Variants in INPP4A observed in about 807,000 individuals in gnomAD.
INPP4A encodes inositol polyphosphate-4-phosphatase type I A, also known as inositol polyphosphate-4-phosphatase, type I, 107kD.
In INPP4A, 33 loss-of-function variants were observed where a neutral mutation model predicts 119.8. The ratio of observed to expected loss-of-function variants is 0.28; its 90% CI spans 0.21 to 0.37. The LOEUF (loss-of-function observed/expected upper bound fraction) is 0.37. INPP4A is among the 10% of genes least tolerant of loss of function. INPP4A has a pLI of 1.00. For missense variants in INPP4A, 956 were observed against 1,289.9 expected (o/e 0.74, Z 3.97); for synonymous variants, 496 against 500.7 (o/e 0.99, Z 0.12).
chr2:98,458,344 C>G (rs928328923), intron 1 of INPP4A, among the ~76,000 whole-genome samples: 2 of 151,166 alleles, frequency 1.3e-5, no homozygotes, highest in African/African-American at 4.9e-5. Flanking sequence ...GCCTCTGCCT[C>G]AGAAAAAAAA....
At chr2:98,467,979 T>C (rs1675146977) in intron 1 of INPP4A, among the ~76,000 whole-genome samples, 1 of 152,214 alleles carries the variant, frequency 6.6e-6, no homozygotes, top group Admixed American at 6.5e-5. Context: ...AATGGGCTTT[T>C]AGAGTACAGC....
At chr2:98,549,063 C>G (rs1693006191) in intron 13 of INPP4A, 1 of 1,136,096 alleles carries the variant, frequency 8.8e-7, no homozygotes, top group Admixed American at 2.2e-5. Context: ...CTGTGGGCTT[C>G]CCCTGCGGTG....
At chr2:98,491,889 CA>C (rs1217631696) in intron 1 of INPP4A, among the ~76,000 whole-genome samples, 2 of 142,178 alleles carry the variant, frequency 1.4e-5, no homozygotes, top group African/African-American at 5.2e-5. Context: ...TCATATGTCA[CA>C]AGTGCATTTT....
At chr2:98,583,196 T>C (rs532565705) in intron 24 of INPP4A, among the ~76,000 whole-genome samples, 2 of 150,418 alleles carry the variant, frequency 1.3e-5, no homozygotes, top group East Asian at 3.9e-4. Context: ...GTTATATACT[T>C]TTATTTATTT....
chr2:98,554,220 T>C lies in INPP4A; in HGVS notation c.1348-51T>C, dbSNP rs1575059634. The C allele has an allele frequency of 7.1e-7, 1 of 1,417,120 alleles. No individual in the cohort carries two copies. Among genetic ancestry groups the C allele is most frequent in the Non-Finnish European group, 9.7e-7 (1 of 1,032,792 alleles). The allele number at this position is 1,417,120 out of a possible 1,614,324, so 87.8% of individuals were successfully genotyped here. ...CCATTTCTGAGATAAGGCAGGGGCCTCCCCAGCCCCTGGCCTGGGCTCAGC... is the reference window on the plus strand; with the variant it reads ...CCATTTCTGAGATAAGGCAGGGGCCCCCCCAGCCCCTGGCCTGGGCTCAGC... On this transcript the variant is annotated intron_variant, in intron 14 of 24. Coordinates refer to ENST00000409851, the MANE Select transcript of INPP4A (RefSeq NM_001134225.2). The surrounding 1 kb of genome is among the most constrained non-coding windows in gnomAD (Gnocchi z 4.7).
Position 98,589,258 on chromosome 2 carries a change from G to T in INPP4A, c.*1650G>T, listed in dbSNP as rs1207635135. 1 of 183,838 alleles carries T rather than the reference G, an allele frequency of 5.4e-6. No individual in the cohort carries two copies. The highest frequency in any genetic ancestry group is 8.8e-5 in the East Asian group (1 of 11,312). The allele number at this position is 183,838 out of a possible 1,614,324, so 11.4% of individuals were successfully genotyped here. ...CAAACCCACTGCACAGGTGGCTGCT[G>T]CTGGTATCAGATTCTCCTTTTTAAG... On this transcript the variant is annotated 3_prime_UTR_variant, in exon 25 of 25. Coordinates refer to ENST00000409851, the MANE Select transcript of INPP4A (RefSeq NM_001134225.2).
chr2:98,539,739 G>C (rs928332446), intron 10 of INPP4A, 64 bp downstream of exon 10: 5 of 1,512,458 alleles, frequency 3.3e-6, no homozygotes, highest in Non-Finnish European at 3.6e-6. Context: ...TCCTTTCTGA[G>C]ATATAGCGGG....
rs145406691 is a variant in INPP4A at position 98,555,588 on chromosome 2, G to T, written c.1602G>T (p.Glu534Asp). The T allele has an allele frequency of 1.9e-6, 3 of 1,613,374 alleles. No homozygotes were observed. Among genetic ancestry groups the T allele is most frequent in the Non-Finnish European group, 2.5e-6 (3 of 1,179,370 alleles). The change falls in exon 16 of 25, where the codon GAG (glutamate) becomes GAT (aspartate). Residue 534 changes from glutamate to aspartate, a missense_variant. Coordinates refer to ENST00000409851, the MANE Select transcript of INPP4A (RefSeq NM_001134225.2). ...GGCTGAACGTGGACAAGAGCCTAGA[G>T]TGCATCATTCAGCGTGTGGACAAGC... Reference protein sequence around the residue: ...KVWLNVDKSLECIIQRVDKLL... With the variant: ...KVWLNVDKSLDCIIQRVDKLL...
intron 1 of INPP4A, among the ~76,000 whole-genome samples, chr2:98,490,221 G>A (rs1202345748): frequency 6.6e-6 from 1 of 152,044 alleles, no homozygotes; most frequent in Non-Finnish European, 1.5e-5. Flanking sequence ...GGAGAAGACC[G>A]GGGGCAGAGC....
Position 98,537,975 on chromosome 2 carries a change from G to C in INPP4A, c.579+1G>C. On this transcript the variant is annotated splice_donor_variant, in intron 8 of 24. Transcript: ENST00000409851. LOFTEE classifies it high-confidence loss of function. ...GTCTGTGGACACTGTCAATGGGAGG[G>C]TGAGTTACACCACTTTCCTCCTCTC... The C allele has an allele frequency of 6.3e-7, 1 of 1,587,660 alleles. No homozygotes were observed. The highest frequency in any genetic ancestry group is 1.7e-5 in the Admixed American group (1 of 58,990).
intron 13 of INPP4A, among the ~76,000 whole-genome samples, chr2:98,549,827 G>A (rs1215955696): frequency 6.6e-6 from 1 of 152,150 alleles, no homozygotes; most frequent in Non-Finnish European, 1.5e-5. Flanking sequence ...TACAAGGGAG[G>A]GAGGAGGGCA....
intron 10 of INPP4A, among the ~76,000 whole-genome samples, 196 bp from the exon 11 acceptor site, chr2:98,543,681 T>C (rs769129750): frequency 3.9e-5 from 6 of 152,192 alleles, no homozygotes; most frequent in Non-Finnish European, 8.8e-5. Flanking sequence ...TGGTCAGTGG[T>C]CTGCTTTTCA....
intron 1 of INPP4A, among the ~76,000 whole-genome samples, chr2:98,496,091 T>A (rs942676381): frequency 2.6e-5 from 4 of 152,218 alleles, no homozygotes; most frequent in Non-Finnish European, 5.9e-5. Flanking sequence ...TCTTAAGGCC[T>A]CTGTTTTAAT....
Position 98,566,895 on chromosome 2 carries a change from C to T in INPP4A, c.2420+726C>T, listed in dbSNP as rs1392153210. Among the ~76,000 whole-genome samples, 1 of 152,154 alleles carries T rather than the reference C, an allele frequency of 6.6e-6. No individual in the cohort carries two copies. Among genetic ancestry groups the T allele is most frequent in the African/African-American group, 2.4e-5 (1 of 41,430 alleles). On this transcript the variant is annotated intron_variant, in intron 21 of 24. Coordinates refer to ENST00000409851, the MANE Select transcript of INPP4A (RefSeq NM_001134225.2). This position sits in a 1 kb window ranked among gnomAD's most constrained non-coding sequence, Gnocchi z 4.2. ...CTTCATGTGATATGTGTAGAATAGT[C>T]TAAACAGAGATCTTCAAGTACTTGC...
chr2:98,473,756 G>C (rs936608542), intron 1 of INPP4A, among the ~76,000 whole-genome samples: 2 of 152,130 alleles, frequency 1.3e-5, no homozygotes, highest in African/African-American at 2.4e-5. Context: ...CAGGCCTTTA[G>C]TATCTTGATT....
intron 1 of INPP4A, among the ~76,000 whole-genome samples, chr2:98,506,722 A>G (rs1251356914): frequency 6.6e-6 from 1 of 152,178 alleles, no homozygotes; most frequent in African/African-American, 2.4e-5. Flanking sequence ...CTGGGAGAAC[A>G]CGATGCTGTG....
chr2:98,565,029 T>C (rs1696178547), intron 19 of INPP4A, among the ~76,000 whole-genome samples: 1 of 152,232 alleles, frequency 6.6e-6, no homozygotes, highest in Non-Finnish European at 1.5e-5. Context: ...AGTGCAGCAG[T>C]GACATCTGTG....
chr2:98,546,116 G>A lies in INPP4A; in HGVS notation c.1054+43G>A, dbSNP rs901815901. Reference sequence around the variant, plus strand: ...CCCTCTTGTTGAATCACATTTCGCTGCTTTTCTCTGTGGGTACTTGGTCCC... The same window carrying A: ...CCCTCTTGTTGAATCACATTTCGCTACTTTTCTCTGTGGGTACTTGGTCCC... On this transcript the variant is annotated intron_variant, in intron 12 of 24. Transcript: ENST00000409851. The surrounding 1 kb of genome is among the most constrained non-coding windows in gnomAD (Gnocchi z 4.2). 1.6e-5 allele frequency: 22 copies of A among 1,368,550 alleles called. No homozygotes were observed. The highest frequency in any genetic ancestry group is 2.1e-5 in the Non-Finnish European group (21 of 981,208). 84.8% of individuals were successfully genotyped at this position (1,368,550 alleles called of 1,614,324 possible).
intron 1 of INPP4A, among the ~76,000 whole-genome samples, chr2:98,458,560 G>A (rs1368930131): frequency 3.3e-5 from 5 of 152,118 alleles, no homozygotes; most frequent in African/African-American, 1.2e-4. Context: ...TGAGAGTGGA[G>A]TATTTTACTT....
Sources: allele counts gnomAD v4.1 joint callset (sites outside exome capture counted in the v4.1 genomes callset), GRCh38; gene constraint gnomAD v4.1.1; non-coding constraint Gnocchi (gnomAD v3.1); transcripts MANE v1.5; gene names NCBI Gene and HGNC (gene_info 2026-07-23, HGNC 2026-07-21).